The following PCDH9 variants were observed in gnomAD, a reference collection of about 807,000 sequenced individuals.
PCDH9 encodes the protein protocadherin-9.
In PCDH9, 24 loss-of-function variants were observed where a neutral mutation model predicts 70.6. That is an observed-to-expected ratio of 0.34 (90% CI 0.25 to 0.48). PCDH9 has a LOEUF of 0.48. Among genes scored for constraint, PCDH9 ranks in the 20% least tolerant of loss-of-function variants. The pLI, the probability that PCDH9 is intolerant of heterozygous loss-of-function variation, is 0.99. For missense variants in PCDH9, 1,281 were observed against 1,503.6 expected (o/e 0.85, Z 2.45); for synonymous variants, 562 against 558.5 (o/e 1.01, Z -0.09).
chr13:67,005,954 C>T (rs933106358), intron 2 of PCDH9, among the ~76,000 whole-genome samples: 1 of 152,128 alleles, frequency 6.6e-6, no homozygotes, highest in East Asian at 1.9e-4. Context: ...AGGCCAGGCG[C>T]GGCGGCTCAC....
At chr13:66,852,573 C>T (rs2081331305) in intron 3 of PCDH9, among the ~76,000 whole-genome samples, 1 of 152,150 alleles carries the variant, frequency 6.6e-6, no homozygotes. Context: ...AAATTCACAA[C>T]ACCCCTTCCC....
intron 2 of PCDH9, among the ~76,000 whole-genome samples, chr13:66,917,690 A>G (rs928161683): frequency 6.6e-6 from 1 of 151,484 alleles, no homozygotes; most frequent in African/African-American, 2.4e-5. Context: ...TTTTAAATCT[A>G]CTAAAAGATA....
chr13:66,347,737 TC>T (rs1251329733), intron 4 of PCDH9, among the ~76,000 whole-genome samples: 1 of 152,186 alleles, frequency 6.6e-6, no homozygotes, highest in Non-Finnish European at 1.5e-5. Flanking sequence ...TAAGCCTAGC[TC>T]TGCCGACCTT....
At chr13:66,582,737 G>C (rs908281712) in intron 4 of PCDH9, among the ~76,000 whole-genome samples, 1 of 152,158 alleles carries the variant, frequency 6.6e-6, no homozygotes, top group African/African-American at 2.4e-5. Context: ...TTATATGAAA[G>C]ATATCCTTGT....
At chr13:66,944,317 G>A (rs1354054251) in intron 2 of PCDH9, among the ~76,000 whole-genome samples, 1 of 152,014 alleles carries the variant, frequency 6.6e-6, no homozygotes, top group Non-Finnish European at 1.5e-5. Context: ...TTAGCATAAA[G>A]AGATAAAGTG....
chr13:66,505,137 A>T (rs139460678), intron 4 of PCDH9, among the ~76,000 whole-genome samples: 58 of 152,184 alleles, frequency 3.8e-4, no homozygotes, highest in African/African-American at 1.4e-3. Flanking sequence ...TCAGTCTTAG[A>T]TATTACTTAT....
chr13:66,474,978 G>C (rs1290700620), intron 4 of PCDH9, among the ~76,000 whole-genome samples: 1 of 152,008 alleles, frequency 6.6e-6, no homozygotes, highest in Non-Finnish European at 1.5e-5. Flanking sequence ...TTCTCTATGG[G>C]TTAATGTTAT....
intron 4 of PCDH9, among the ~76,000 whole-genome samples, chr13:66,617,919 T>C (rs2077377439): frequency 6.6e-6 from 1 of 152,124 alleles, no homozygotes; most frequent in Non-Finnish European, 1.5e-5. Context: ...TAACTGCAGT[T>C]AGATGTACTT....
At chr13:66,608,558 C>G (rs1229434097) in intron 4 of PCDH9, among the ~76,000 whole-genome samples, 2 of 151,948 alleles carry the variant, frequency 1.3e-5, no homozygotes, top group East Asian at 1.9e-4. Context: ...ATCATTCACT[C>G]AAACCTCCAA....
chr13:66,688,876 G>A (rs2078442654), intron 3 of PCDH9, among the ~76,000 whole-genome samples: 1 of 152,020 alleles, frequency 6.6e-6, no homozygotes, highest in African/African-American at 2.4e-5. Flanking sequence ...GTAACCACAT[G>A]CAAATTTTTT....
chr13:67,001,329 G>A (rs2139820478), intron 2 of PCDH9, among the ~76,000 whole-genome samples: 1 of 152,062 alleles, frequency 6.6e-6, no homozygotes, highest in African/African-American at 2.4e-5. Context: ...ATTGTGTCTT[G>A]AGAGTTTTAA....
chr13:66,740,514 G>C (rs199623403), intron 3 of PCDH9, among the ~76,000 whole-genome samples: 81,227 of 136,094 alleles, frequency 0.6, 25,338 homozygotes, highest in Non-Finnish European at 0.71. Flanking sequence ...AGGAAATAGA[G>C]ACACAAAAAA....
chr13:66,323,301 A>T (rs1056916317), intron 4 of PCDH9: 3 of 152,018 alleles, frequency 2.0e-5, no homozygotes, highest in Non-Finnish European at 2.9e-5. Flanking sequence ...AACTTTAGGA[A>T]AGGAACTATT....
chr13:66,371,810 A>T (rs928483975), intron 4 of PCDH9, among the ~76,000 whole-genome samples: 2 of 151,936 alleles, frequency 1.3e-5, no homozygotes, highest in African/African-American at 2.4e-5. Context: ...CATTACTTAC[A>T]TTTTTTCCTC....
intron 4 of PCDH9, among the ~76,000 whole-genome samples, chr13:66,345,447 G>A (rs942810882): frequency 6.6e-6 from 1 of 152,030 alleles, no homozygotes; most frequent in Admixed American, 6.6e-5. Context: ...CCTTTCCAAA[G>A]CATGACAGAC....
intron 3 of PCDH9, among the ~76,000 whole-genome samples, chr13:66,752,579 G>A (rs559327979): frequency 1.9e-4 from 29 of 152,360 alleles, no homozygotes; most frequent in African/African-American, 6.0e-4. Context: ...TTACAGGCAT[G>A]AGCCATGGTG....
chr13:67,008,971 T>A (rs746777164), intron 2 of PCDH9, among the ~76,000 whole-genome samples: 33 of 152,286 alleles, frequency 2.2e-4, no homozygotes, highest in Non-Finnish European at 4.6e-4. Flanking sequence ...CAACTGTATG[T>A]AATAAAGATG....
intron 2 of PCDH9, among the ~76,000 whole-genome samples, chr13:67,005,340 C>T (rs1414974211): frequency 1.3e-5 from 2 of 152,030 alleles, no homozygotes; most frequent in African/African-American, 4.8e-5. Flanking sequence ...AAATAATTGG[C>T]CACTCATTTT....
intron 2 of PCDH9, among the ~76,000 whole-genome samples, chr13:66,999,400 T>C (rs4142273): frequency 0.97 from 147,514 of 152,222 alleles, 71,643 homozygotes; most frequent in East Asian, 1. Flanking sequence ...CAAGGTTCTA[T>C]GTTCTTTGAA....
Sources: allele counts gnomAD v4.1 joint callset (sites outside exome capture counted in the v4.1 genomes callset), GRCh38; gene constraint gnomAD v4.1.1; transcripts MANE v1.5; gene names NCBI Gene and HGNC (gene_info 2026-07-23, HGNC 2026-07-21).